TMEM266: variants seen among roughly 807,000 people sequenced by gnomAD.
The protein encoded by TMEM266 is Hv1 related protein 1.
TMEM266 carries 33 observed loss-of-function variants against 50.5 expected under a neutral mutation model. The observed-to-expected ratio is 0.65, with a 90% CI of 0.50 to 0.87. The LOEUF is 0.87. TMEM266 is among the 40% of genes least tolerant of loss of function. TMEM266 has a pLI of 0.00. For missense variants in TMEM266, 655 were observed against 695.1 expected (o/e 0.94, Z 0.65); for synonymous variants, 310 against 292.3 (o/e 1.06, Z -0.62).
At chr15:76,202,455 C>CA (rs1193665219) in intron 10 of TMEM266, among the ~76,000 whole-genome samples, 191 bp downstream of exon 10, 4 of 152,300 alleles carry the variant, frequency 2.6e-5, no homozygotes, top group African/African-American at 9.6e-5. Context: ...TGGGGGTCCC[C>CA]AGGGGCTGAG....
chr15:76,203,517 G>A (rs772071357), intron 10 of TMEM266, among the ~76,000 whole-genome samples: 15 of 152,140 alleles, frequency 9.9e-5, no homozygotes, highest in Non-Finnish European at 2.2e-4. Context: ...CGTGTCACAC[G>A]CCTACACTTG....
At chr15:76,164,831 C>A (rs2038068853) in intron 5 of TMEM266, among the ~76,000 whole-genome samples, 1 of 151,832 alleles carries the variant, frequency 6.6e-6, no homozygotes, top group African/African-American at 2.4e-5. Context: ...ACGGCTGCTC[C>A]CTTCTCCCTG....
chr15:76,084,596 T>TGG (rs141937058), intron 1 of TMEM266, among the ~76,000 whole-genome samples: 23 of 147,718 alleles, frequency 1.6e-4, no homozygotes, highest in Non-Finnish European at 2.8e-4. Flanking sequence ...GGGTTTTTTT[T>TGG]GGTTTTTTTT....
chr15:76,144,264 G>A (rs891896920), intron 3 of TMEM266, among the ~76,000 whole-genome samples: 15 of 151,954 alleles, frequency 9.9e-5, no homozygotes, highest in Non-Finnish European at 1.8e-4. Flanking sequence ...AAGCACCTAC[G>A]TCTCTTTCCT....
chr15:76,105,178 G>A (rs1176667917), intron 1 of TMEM266, among the ~76,000 whole-genome samples: 2 of 152,132 alleles, frequency 1.3e-5, no homozygotes, highest in East Asian at 1.9e-4. Context: ...CCCAGGAGGC[G>A]AAGGTTGCAG....
At chr15:76,131,113 A>C (rs945964879) in intron 1 of TMEM266, among the ~76,000 whole-genome samples, 4 of 152,194 alleles carry the variant, frequency 2.6e-5, no homozygotes, top group African/African-American at 9.6e-5. Flanking sequence ...ATGGTGTCTC[A>C]TGCCTGTAAT....
chr15:76,130,818 A>G (rs2037499565), intron 1 of TMEM266, among the ~76,000 whole-genome samples: 1 of 152,208 alleles, frequency 6.6e-6, no homozygotes, highest in South Asian at 2.1e-4. Flanking sequence ...CTTCCTAAAA[A>G]GTTAAATTAA....
At chr15:76,133,897 A>ATCTC (rs2037551539) in intron 1 of TMEM266, among the ~76,000 whole-genome samples, 1 of 152,184 alleles carries the variant, frequency 6.6e-6, no homozygotes, top group African/African-American at 2.4e-5. Context: ...TGTGGATGAG[A>ATCTC]AGTCAGAGAA....
chr15:76,099,452 G>GA (rs1051095157), intron 1 of TMEM266, among the ~76,000 whole-genome samples: 66 of 152,320 alleles, frequency 4.3e-4, no homozygotes, highest in African/African-American at 1.5e-3. Context: ...ACCTCAGTTG[G>GA]AAATGCAGAA....
intron 1 of TMEM266, among the ~76,000 whole-genome samples, chr15:76,102,243 T>A (rs1468986260): frequency 6.6e-6 from 1 of 152,224 alleles, no homozygotes; most frequent in African/African-American, 2.4e-5. Flanking sequence ...AAGACAGTTA[T>A]CTTGAAATGA....
intron 8 of TMEM266, chr15:76,181,473 C>A (rs1017650652): frequency 6.6e-5 from 10 of 152,258 alleles, no homozygotes; most frequent in Non-Finnish European, 1.5e-5. Flanking sequence ...TTCCAGACTC[C>A]CCGCTGCTGT....
At chr15:76,102,581 G>A (rs2037015516) in intron 1 of TMEM266, among the ~76,000 whole-genome samples, 1 of 152,150 alleles carries the variant, frequency 6.6e-6, no homozygotes, top group African/African-American at 2.4e-5. Context: ...GCTCATGCCT[G>A]TAATCCTAGC....
At chr15:76,119,106 G>A (rs966897118) in intron 1 of TMEM266, among the ~76,000 whole-genome samples, 1 of 152,160 alleles carries the variant, frequency 6.6e-6, no homozygotes, top group Non-Finnish European at 1.5e-5. Context: ...GGAAATCCTG[G>A]TGCCATCTTC....
chr15:76,071,079 G>A lies in TMEM266; in HGVS notation c.-97+11063G>A, dbSNP rs111521207. Among the ~76,000 whole-genome samples, 746 of 152,226 alleles carry A rather than the reference G, an allele frequency of 4.9e-3. 10 individuals are homozygous for A. The highest frequency in any genetic ancestry group is 0.017 in the African/African-American group (697 of 41,524). On this transcript the variant is annotated intron_variant, in intron 1 of 10. Coordinates refer to ENST00000388942, the MANE Select transcript of TMEM266 (RefSeq NM_152335.3). ...GCTCCTTGACGTTCTATATGATAAA[G>A]GGGGTTGTCTTGGGAGGCAGCCACT...
chr15:76,199,171 A>G lies in TMEM266; in HGVS notation c.959-3031A>G, dbSNP rs530160616. Among the ~76,000 whole-genome samples, 6 of 152,356 alleles carry G rather than the reference A, an allele frequency of 3.9e-5. No homozygotes were observed. In the South Asian group the frequency reaches 8.3e-4, roughly 21 times the overall value. ...AAGTTGTTGGTAAGAGAGAGGCACTAAAAAGTGCCAGGGAACCAGTCACCA... is the reference window on the plus strand; with the variant it reads ...AAGTTGTTGGTAAGAGAGAGGCACTGAAAAGTGCCAGGGAACCAGTCACCA... On this transcript the variant is annotated intron_variant, in intron 9 of 10. Coordinates refer to ENST00000388942, the MANE Select transcript of TMEM266 (RefSeq NM_152335.3).
chr15:76,180,075 A>G (rs2142070149), intron 8 of TMEM266, among the ~76,000 whole-genome samples: 1 of 152,316 alleles, frequency 6.6e-6, no homozygotes, highest in East Asian at 1.9e-4. Flanking sequence ...TAAAAAAATA[A>G]ACTTTATTTT....
chr15:76,114,585 T>C (rs2037219800), intron 1 of TMEM266, among the ~76,000 whole-genome samples: 2 of 152,248 alleles, frequency 1.3e-5, no homozygotes. Flanking sequence ...GTTTTGCTTT[T>C]ATAAAAGGTA....
chr15:76,171,060 C>T lies in TMEM266; in HGVS notation c.581C>T (p.Pro194Leu). ...GTGGCATCCACTGTGGCCAATGGAC[C>T]CAGGAGCCCCTGGGACGCCATCAGC... The change falls in exon 7 of 11, where the codon CCC becomes CTC. Residue 194 changes from proline to leucine, a missense_variant. Transcript: ENST00000388942. The T allele has an allele frequency of 6.2e-7, 1 of 1,613,208 alleles. No homozygotes were observed. Among genetic ancestry groups the T allele is most frequent in the East Asian group, 2.2e-5 (1 of 44,850 alleles).
intron 5 of TMEM266, among the ~76,000 whole-genome samples, chr15:76,166,008 A>C (rs1326267394): frequency 1.3e-5 from 2 of 152,192 alleles, no homozygotes; most frequent in Non-Finnish European, 2.9e-5. Flanking sequence ...GCTGTCCACG[A>C]GAGTCCAGGA....
Sources: gnomAD v4.1 joint callset for allele counts (sites outside exome capture counted in the v4.1 genomes callset) on GRCh38, gnomAD v4.1.1 for gene constraint, MANE v1.5 for transcripts, NCBI Gene and HGNC (gene_info 2026-07-23, HGNC 2026-07-21) for gene names.